Variants in MYO1B observed in about 807,000 individuals in gnomAD.
MYO1B encodes the protein myosin IB, also known as unconventional myosin-Ib.
MYO1B carries 72 observed loss-of-function variants against 159.7 expected under a neutral mutation model. The observed-to-expected ratio is 0.45, with a 90% confidence interval of 0.37 to 0.55. The LOEUF (loss-of-function observed/expected upper bound fraction) is 0.55. Among genes scored for constraint, MYO1B ranks in the 20% least tolerant of loss-of-function variants. The probability of loss-of-function intolerance (pLI) is 0.00; values close to 1 mark genes in which losing one functional copy is unlikely to be tolerated. For missense variants in MYO1B, 1,062 were observed against 1,364.8 expected, an observed-to-expected ratio of 0.78 and a Z score of 3.50; for synonymous variants, 468 against 473.8, an observed-to-expected ratio of 0.99 and a Z score of 0.16.
chr2:191,290,602 T>C (rs114169067), intron 2 of MYO1B, among the ~76,000 whole-genome samples: 5,068 of 152,362 alleles, frequency 0.033, 254 homozygotes, highest in African/African-American at 0.11. Context: ...ATCTTGTATA[T>C]GTGTGTGCAC....
At chr2:191,326,355 T>C (rs1360200804) in intron 3 of MYO1B, among the ~76,000 whole-genome samples, 1 of 152,126 alleles carries the variant, frequency 6.6e-6, no homozygotes, top group Non-Finnish European at 1.5e-5. Flanking sequence ...GGGAGGGGGT[T>C]TGTGTTCTTT....
intron 1 of MYO1B, among the ~76,000 whole-genome samples, chr2:191,276,544 G>GTCTT (rs1687761631): frequency 6.6e-6 from 1 of 152,158 alleles, no homozygotes; most frequent in Admixed American, 6.5e-5. Flanking sequence ...AAGGGCTGAG[G>GTCTT]GAAAGTAGGG....
chr2:191,342,386 A>G (rs1049601282), intron 5 of MYO1B, among the ~76,000 whole-genome samples: 1 of 152,194 alleles, frequency 6.6e-6, no homozygotes, highest in African/African-American at 2.4e-5. Context: ...GGGCTTCAAC[A>G]TATGAATTTT....
In MYO1B at chr2:191,369,535, T is replaced by G; in HGVS notation, c.1033-7T>G. On this transcript the variant is annotated splice_region_variant and splice_polypyrimidine_tract_variant and intron_variant, in intron 11 of 30. Transcript: ENST00000392318. ...GTGTTAAGTTTTGTTTGTTTGTTTTTTAATAGGCTTATTATGCCCGTGATG... is the reference window on the plus strand; with the variant it reads ...GTGTTAAGTTTTGTTTGTTTGTTTTGTAATAGGCTTATTATGCCCGTGATG... 2 of 1,609,952 alleles carry G rather than the reference T, an allele frequency of 1.2e-6. No individual in the cohort carries two copies. The highest frequency in any genetic ancestry group is 2.2e-5 in the South Asian group (2 of 90,536).
intron 4 of MYO1B, among the ~76,000 whole-genome samples, chr2:191,336,468 C>T (rs1691851423): frequency 6.6e-6 from 1 of 152,110 alleles, no homozygotes; most frequent in African/African-American, 2.4e-5. Flanking sequence ...GAGAAAGACC[C>T]CTCTCCATCC....
intron 2 of MYO1B, among the ~76,000 whole-genome samples, chr2:191,291,693 C>T (rs1013801728): frequency 2.0e-5 from 3 of 152,098 alleles, no homozygotes; most frequent in Admixed American, 2.0e-4. Context: ...CTTTTTAGAG[C>T]GTGATGCAAT....
At position 191,251,506 on chromosome 2, in the gene MYO1B, G is replaced by A. The variant is rs139244833; in HGVS notation, c.-10+5880G>A. ...GCAAGGGGCCTGTCTTTCCTTGATA[G>A]CTTAAGAGAGGCTTAAGAGGAAACC... On this transcript the variant is annotated intron_variant, in intron 1 of 30. Coordinates refer to ENST00000392318, the MANE Select transcript of MYO1B (RefSeq NM_001130158.3). Among the ~76,000 whole-genome samples the A allele has an allele frequency of 6.2e-4, 94 of 152,314 alleles. 1 individual carries two copies. In the East Asian group the frequency reaches 0.01, roughly 17 times the overall value.
intron 1 of MYO1B, chr2:191,263,319 CTCTT>C: frequency 3.0e-6 from 3 of 985,100 alleles, no homozygotes; most frequent in Non-Finnish European, 3.6e-6. Context: ...GTTTGTCTCT[CTCTT>C]TCATATGAAC....
chr2:191,344,612 C>T (rs956604209), intron 5 of MYO1B, among the ~76,000 whole-genome samples: 5 of 152,092 alleles, frequency 3.3e-5, no homozygotes, highest in East Asian at 1.9e-4. Context: ...GGGTGGATCA[C>T]GAGGTCAGGA....
chr2:191,361,661 GTTA>G (rs990771270), intron 8 of MYO1B, among the ~76,000 whole-genome samples: 263 of 151,632 alleles, frequency 1.7e-3, no homozygotes, highest in African/African-American at 5.8e-3. Flanking sequence ...ATTAGCAAAA[GTTA>G]TTAAGGATCA....
chr2:191,395,488 A>G (rs1696015469), intron 20 of MYO1B, among the ~76,000 whole-genome samples: 1 of 152,256 alleles, frequency 6.6e-6, no homozygotes, highest in Non-Finnish European at 1.5e-5. Flanking sequence ...TGGCACTTCT[A>G]ACATGAGGGA....
intron 3 of MYO1B, among the ~76,000 whole-genome samples, chr2:191,326,068 T>G (rs762794880): frequency 1.3e-5 from 2 of 152,188 alleles, no homozygotes; most frequent in African/African-American, 4.8e-5. Flanking sequence ...GTGGTAGGAC[T>G]AAAACTGTGT....
At chr2:191,394,083 T>A (rs903058799) in intron 20 of MYO1B, among the ~76,000 whole-genome samples, 2 of 152,238 alleles carry the variant, frequency 1.3e-5, no homozygotes, top group African/African-American at 4.8e-5. Context: ...TTTTACAAAT[T>A]AATGAGGTAT....
chr2:191,364,268 G>A lies in MYO1B; in HGVS notation c.1024G>A (p.Val342Met), dbSNP rs2126019437. The A allele has an allele frequency of 1.2e-6, 2 of 1,611,166 alleles. No individual in the cohort carries two copies. The highest frequency in any genetic ancestry group is 1.7e-6 in the Non-Finnish European group (2 of 1,177,418). ...GGAGAAAGTTTCAACTACACTGAAT[G>A]TGGCTCAGGTGGGTGAAACATAATG... ...KQEKVSTTLN[V>M]AQAYYARDAL... The change falls in exon 11 of 31, where the codon GTG (valine) becomes ATG (methionine). Residue 342 changes from valine (V) to methionine (M), a missense_variant. Coordinates refer to ENST00000392318, the MANE Select transcript of MYO1B (RefSeq NM_001130158.3).
intron 2 of MYO1B, among the ~76,000 whole-genome samples, chr2:191,288,280 G>A (rs2124093): frequency 0.37 from 55,963 of 151,222 alleles, 10,643 homozygotes; most frequent in Middle Eastern, 0.52. Context: ...GTGGTGGCTG[G>A]GCGGCATTCA....
rs533548172 is a variant in MYO1B, at chr2:191,415,604, G to GT, written c.3160-501dup. ...CATGTTTTTTTTTTTGTTTTGTTTT[G>GT]TTTTTTTTTTGAATAAACCCAGATG... On this transcript the variant is annotated intron_variant, in intron 29 of 30. Transcript: ENST00000392318. Among the ~76,000 whole-genome samples the GT allele has an allele frequency of 6.1e-3, 883 of 145,404 alleles. 13 individuals are homozygous for GT. Among genetic ancestry groups the GT allele is most frequent in the South Asian group, 0.032 (142 of 4,486 alleles).
chr2:191,360,848 TCTC>T (rs1249669876), intron 8 of MYO1B, 119 bp downstream of exon 8: 1 of 657,410 alleles, frequency 1.5e-6, no homozygotes, highest in East Asian at 2.7e-5. Context: ...CTCAAGCGAT[TCTC>T]CTGCCTTGGC....
chr2:191,319,341 TAC>T (rs1165275671), intron 3 of MYO1B, among the ~76,000 whole-genome samples: 4 of 152,132 alleles, frequency 2.6e-5, no homozygotes, highest in Non-Finnish European at 5.9e-5. Context: ...ATGTTGACCA[TAC>T]ACAGTCCTCT....
chr2:191,313,192 C>CTTTTTTTTTTTTTTTTT lies in MYO1B; in HGVS notation c.252-16724_252-16708dup, dbSNP rs762175060. Among the ~76,000 whole-genome samples the CTTTTTTTTTTTTTTTTT allele has an allele frequency of 9.3e-5, 4 of 43,010 alleles. 1 individual carries two copies. Among genetic ancestry groups the CTTTTTTTTTTTTTTTTT allele is most frequent in the Admixed American group, 4.4e-4 (1 of 2,278 alleles). 28.2% of individuals were successfully genotyped at this position (43,010 alleles called of 152,430 possible). A position where few individuals can be genotyped will look rare whatever the true frequency, so the allele number is the denominator to read the frequency against. On this transcript the variant is annotated intron_variant, in intron 3 of 30. Coordinates refer to ENST00000392318, the MANE Select transcript of MYO1B (RefSeq NM_001130158.3). The stretch of plus-strand genomic sequence containing the variant: ...TAGTTATAATATCTGGCACACATGG[C>CTTTTTTTTTTTTTTTTT]TTTTTTTTTTTTTTTTTTTTTTTTT...
Sources: gnomAD v4.1 joint callset for allele counts (sites outside exome capture counted in the v4.1 genomes callset) on GRCh38, gnomAD v4.1.1 for gene constraint, MANE v1.5 for transcripts, NCBI Gene and HGNC (gene_info 2026-07-23, HGNC 2026-07-21) for gene names.